The following VWA8 variants were observed in gnomAD, a reference collection of about 807,000 sequenced individuals.
VWA8 encodes von Willebrand factor A domain-containing protein 8.
In VWA8, 221 loss-of-function variants were observed where a neutral mutation model predicts 241.5. The ratio of observed to expected loss-of-function variants is 0.91; its 90% CI spans 0.82 to 1.02. The LOEUF (loss-of-function observed/expected upper bound fraction) is 1.02. Among genes scored for constraint, VWA8 ranks in the 50% least tolerant of loss-of-function variants. VWA8 has a pLI of 0.00. For missense variants in VWA8, 2,322 were observed against 2,328.7 expected (o/e 1.00, Z 0.06); for synonymous variants, 852 against 827.1 (o/e 1.03, Z -0.52).
intron 39 of VWA8, among the ~76,000 whole-genome samples, chr13:41,605,641 C>G (rs2044549029): frequency 1.3e-5 from 2 of 152,226 alleles, no homozygotes; most frequent in East Asian, 3.9e-4. Flanking sequence ...GTGGTACACA[C>G]CATTGCTATA....
intron 21 of VWA8, among the ~76,000 whole-genome samples, chr13:41,734,099 T>C (rs183052463): frequency 9.3e-4 from 141 of 152,222 alleles, no homozygotes; most frequent in Non-Finnish European, 1.6e-3. Flanking sequence ...CGGCACTTTG[T>C]GAGGCTGAGG....
chr13:41,891,046 C>T (rs946761940), intron 5 of VWA8, among the ~76,000 whole-genome samples: 5 of 151,884 alleles, frequency 3.3e-5, no homozygotes, highest in Non-Finnish European at 7.4e-5. Context: ...AGCTTTGTAT[C>T]CCTGGTGACC....
chr13:41,868,887 CAAAAAAAAAAA>C (rs56124196), intron 9 of VWA8, among the ~76,000 whole-genome samples: 1 of 75,906 alleles, frequency 1.3e-5, no homozygotes, highest in Non-Finnish European at 2.3e-5. Flanking sequence ...GACTCCGTCT[CAAAAAAAAAAA>C]AAAAAAAAGG....
rs796689794 is a variant in VWA8 at position 41,952,886 on chromosome 13, A to T, written c.164-2873T>A. 5.3e-5 allele frequency among the ~76,000 whole-genome samples: 8 copies of T among 152,302 alleles called. 1 individual carries two copies. The highest frequency in any genetic ancestry group is 1.9e-4 in the African/African-American group (8 of 41,568). On this transcript the variant is annotated intron_variant, in intron 1 of 44. Coordinates refer to ENST00000379310, the MANE Select transcript of VWA8 (RefSeq NM_015058.2). ...TTACGGAAACCAAAAAAGATGGTGC[A>T]GTATCCTAGGACTAGCAATAACAGA...
intron 24 of VWA8, among the ~76,000 whole-genome samples, chr13:41,722,463 T>C: frequency 6.6e-6 from 1 of 152,210 alleles, no homozygotes; most frequent in African/African-American, 2.4e-5. Flanking sequence ...AGGAACCATT[T>C]GAACAGTTAT....
At chr13:41,820,035 T>C (rs776333598) in intron 14 of VWA8, among the ~76,000 whole-genome samples, 1 of 152,216 alleles carries the variant, frequency 6.6e-6, no homozygotes, top group Non-Finnish European at 1.5e-5. Flanking sequence ...TGAGGAAGCA[T>C]GTAAATTTTC....
intron 4 of VWA8, among the ~76,000 whole-genome samples, chr13:41,892,798 T>C (rs1179795955): frequency 6.6e-6 from 1 of 152,230 alleles, no homozygotes; most frequent in Non-Finnish European, 1.5e-5. Flanking sequence ...GAGCCCTTGA[T>C]GTTTCTTGAA....
At chr13:41,803,547 A>G (rs973404859) in intron 17 of VWA8, among the ~76,000 whole-genome samples, 1 of 152,200 alleles carries the variant, frequency 6.6e-6, no homozygotes, top group East Asian at 1.9e-4. Context: ...TTGTGCAGGG[A>G]AACTCCCCTT....
rs562896724 is a variant in VWA8 at position 41,580,978 on chromosome 13, CTATTTTATTT to C, written c.5272-5150_5272-5141del. ...CTTCTGTCAAGGGAGAGTGAGTCAT[CTATTTTATTT>C]TATTTTATTTTATTTTATTTTATTT... On this transcript the variant is annotated intron_variant, in intron 42 of 44. Transcript: ENST00000379310. Among the ~76,000 whole-genome samples, 66 of 129,638 alleles carry C rather than the reference CTATTTTATTT, an allele frequency of 5.1e-4. 10 individuals carry two copies. Among genetic ancestry groups the C allele is most frequent in the Admixed American group, 1.2e-3 (16 of 13,084 alleles). The allele number at this position is 129,638 out of a possible 152,430, so 85.0% of individuals were successfully genotyped here.
intron 35 of VWA8, among the ~76,000 whole-genome samples, chr13:41,682,387 T>C (rs2045106700): frequency 6.6e-6 from 1 of 152,176 alleles, no homozygotes; most frequent in Non-Finnish European, 1.5e-5. Context: ...TAACTCAAAA[T>C]GGATCATAAA....
intron 19 of VWA8, among the ~76,000 whole-genome samples, chr13:41,781,175 C>T (rs1161305037): frequency 6.6e-6 from 1 of 152,198 alleles, no homozygotes; most frequent in African/African-American, 2.4e-5. Flanking sequence ...TTCTTCTGAA[C>T]AGAATCCAAA....
rs368949668 is a variant in VWA8 at position 41,642,815 on chromosome 13, G to C, written c.4612-27731C>G. 3.9e-5 allele frequency among the ~76,000 whole-genome samples: 6 copies of C among 152,034 alleles called. No individual in the cohort carries two copies. In the East Asian group the frequency reaches 9.7e-4, roughly 25 times the overall value. On this transcript the variant is annotated intron_variant, in intron 37 of 44. Transcript: ENST00000379310. ...GTGGTGACAGGCACCTGTGGTCCCA[G>C]CTACTCGGGAGGCTGAGATAGGAGA...
intron 9 of VWA8, among the ~76,000 whole-genome samples, chr13:41,882,741 C>G (rs926764283): frequency 6.6e-6 from 1 of 151,994 alleles, no homozygotes; most frequent in Non-Finnish European, 1.5e-5. Flanking sequence ...TGCAGTGAGC[C>G]GAGATGGCAG....
intron 2 of VWA8, among the ~76,000 whole-genome samples, chr13:41,947,209 G>A (rs1020314585): frequency 3.9e-5 from 6 of 152,096 alleles, no homozygotes; most frequent in South Asian, 2.1e-4. Flanking sequence ...TTCCTTACCC[G>A]GCTTTAACAC....
chr13:41,670,390 C>G (rs2045013912), intron 37 of VWA8, among the ~76,000 whole-genome samples: 1 of 150,938 alleles, frequency 6.6e-6, no homozygotes, highest in African/African-American at 2.4e-5. Context: ...ACTTTGGTGG[C>G]CTGTTCCCAT....
rs780180246 is a variant in VWA8 at position 41,816,752 on chromosome 13, A to G, written c.1893T>C (p.Ala631=). Residue 631 remains alanine, a synonymous_variant, in exon 16 of 45, where the codon GCT becomes GCC. Coordinates refer to ENST00000379310, the MANE Select transcript of VWA8 (RefSeq NM_015058.2). Reference sequence around the variant, plus strand: ...GTGTAAATGATAATAACTTATCCAGAGCTTCCTGAGGTACATTTGGGACCT... The same window carrying G: ...GTGTAAATGATAATAACTTATCCAGGGCTTCCTGAGGTACATTTGGGACCT... ...KEKVPNVPQE[A]LDKLLSFTHK... 1 of 1,613,642 alleles carries G rather than the reference A, an allele frequency of 6.2e-7. No homozygotes were observed. Among genetic ancestry groups the G allele is most frequent in the Non-Finnish European group, 8.5e-7 (1 of 1,179,748 alleles).
At chr13:41,950,698 T>A (rs1409547719) in intron 1 of VWA8, among the ~76,000 whole-genome samples, 1 of 140,106 alleles carries the variant, frequency 7.1e-6, no homozygotes, top group African/African-American at 2.7e-5. Flanking sequence ...AGACGGACTC[T>A]TATTCTGCCA....
chr13:41,703,919 C>T (rs2045266702), intron 26 of VWA8, among the ~76,000 whole-genome samples: 1 of 151,996 alleles, frequency 6.6e-6, no homozygotes, highest in Non-Finnish European at 1.5e-5. Context: ...GCTGGGATTA[C>T]AGGCATGCGC....
intron 42 of VWA8, among the ~76,000 whole-genome samples, chr13:41,578,457 T>A (rs1038787776): frequency 6.6e-6 from 1 of 152,144 alleles, no homozygotes; most frequent in African/African-American, 2.4e-5. Flanking sequence ...TACTCCTCCA[T>A]CAAAATTATC....
Sources: gnomAD v4.1 joint callset for allele counts (sites outside exome capture counted in the v4.1 genomes callset) on GRCh38, gnomAD v4.1.1 for gene constraint, MANE v1.5 for transcripts, NCBI Gene and HGNC (gene_info 2026-07-23, HGNC 2026-07-21) for gene names.